Variants in VWA5A observed in about 807,000 individuals in gnomAD.
The protein encoded by VWA5A is von Willebrand factor A domain containing 5A.
In VWA5A, 77 loss-of-function variants were observed where a neutral mutation model predicts 84.6. The observed-to-expected ratio is 0.91, with a 90% CI of 0.76 to 1.10. The LOEUF is 1.10. VWA5A is among the 50% of genes least tolerant of loss of function. The pLI is 0.00. For missense variants in VWA5A, 973 were observed against 963.0 expected (o/e 1.01, Z -0.14); for synonymous variants, 334 against 350.1 (o/e 0.95, Z 0.51).
chr11:124,137,102 T>A lies in VWA5A; in HGVS notation c.1713T>A (p.Asp571Glu). The stretch of plus-strand genomic sequence containing the variant: ...AGACTCCAGCAAGTGATAAAAAAGA[T>A]GCATTGAACCTTAGCCTTGAGTCTG... ...LRETPASDKK[D>E]ALNLSLESGV... Residue 571 changes from aspartate (D) to glutamate (E), a missense_variant, in exon 15 of 19, where the codon GAT (aspartate) becomes GAA (glutamate). Transcript: ENST00000456829. 6.2e-7 allele frequency: 1 copy of A among 1,613,874 alleles called. No individual in the cohort carries two copies. The highest frequency in any genetic ancestry group is 8.5e-7 in the Non-Finnish European group (1 of 1,179,988).
chr11:124,139,867 G>A (rs1860692424), intron 15 of VWA5A, among the ~76,000 whole-genome samples: 1 of 152,038 alleles, frequency 6.6e-6, no homozygotes, highest in South Asian at 2.1e-4. Context: ...CAGCATCCTT[G>A]TCTTGTTTCT....
In VWA5A at chr11:124,136,150, T is replaced by C. The variant is rs1000489035; in HGVS notation, c.1381T>C (p.Ser461Pro). ...TTAGGCTCTCAGGACTCTGAAACGC[T>C]CTCTGCAGCCTGTGGTAGAGGATGT... Reference protein sequence around the residue: ...QSKALRTLKRSLQPVVEDVSL... With the variant: ...QSKALRTLKRPLQPVVEDVSL... Residue 461 changes from serine (S) to proline (P), a missense_variant, in exon 13 of 19, where the codon TCT (serine) becomes CCT (proline). Physicochemically the swap from Ser to Pro is moderately conservative, Grantham distance 74 (BLOSUM62 -1). Coordinates refer to ENST00000456829, the MANE Select transcript of VWA5A (RefSeq NM_001130142.2). The C allele has an allele frequency of 6.2e-6, 10 of 1,614,146 alleles. No homozygotes were observed. Among genetic ancestry groups the C allele is most frequent in the Non-Finnish European group, 8.5e-6 (10 of 1,180,024 alleles).
At chr11:124,133,167 G>A (rs994365755) in intron 11 of VWA5A, among the ~76,000 whole-genome samples, 1 of 152,062 alleles carries the variant, frequency 6.6e-6, no homozygotes, top group Admixed American at 6.6e-5. Context: ...GGATAGACTG[G>A]GAACAGATAA....
At chr11:124,130,077 G>T (rs2137646662) in intron 11 of VWA5A, among the ~76,000 whole-genome samples, 1 of 152,256 alleles carries the variant, frequency 6.6e-6, no homozygotes, top group Non-Finnish European at 1.5e-5. Context: ...ATGTTAGGGT[G>T]TCGATTTTAG....
At chr11:124,117,912 C>A in intron 4 of VWA5A, 37 bp downstream of exon 4, 1 of 1,605,650 alleles carries the variant, frequency 6.2e-7, no homozygotes, top group Non-Finnish European at 8.5e-7. Flanking sequence ...TATTACATTA[C>A]CTCCTCCCTT....
At chr11:124,143,489 T>C (rs1309461211) in intron 17 of VWA5A, among the ~76,000 whole-genome samples, 1 of 152,172 alleles carries the variant, frequency 6.6e-6, no homozygotes, top group Non-Finnish European at 1.5e-5. Context: ...GAATTTTTAA[T>C]TCAATAGAGG....
Position 124,145,900 on chromosome 11 carries a change from T to C in VWA5A, c.2316T>C (p.Ile772=). The change falls in exon 19 of 19, where the codon ATT becomes ATC. Residue 772 remains isoleucine (I), a synonymous_variant. Transcript: ENST00000456829. ...STMPSVVKAA[I]TFLKSSVDPA... ...TGCCTTCGGTTGTGAAAGCTGCTAT[T>C]ACTTTCCTGAAGTCATCTGTGGATC... 6.3e-7 allele frequency: 1 copy of C among 1,589,110 alleles called. No homozygotes were observed. Among genetic ancestry groups the C allele is most frequent in the South Asian group, 1.1e-5 (1 of 87,868 alleles).
chr11:124,142,522 A>G lies in VWA5A; in HGVS notation c.2104A>G (p.Lys702Glu), dbSNP rs752849823. 16 of 1,614,166 alleles carry G rather than the reference A, an allele frequency of 9.9e-6. No individual in the cohort carries two copies. In the African/African-American group the frequency reaches 1.5e-4, roughly 15 times the overall value. ...GSWDLNEDLA[K>E]ILGMSLEEIM... ...CTGGGATCTGAATGAAGATCTAGCCAAGATCCTAGGTATGAGTTTGGAAGA... is the reference window on the plus strand; with the variant it reads ...CTGGGATCTGAATGAAGATCTAGCCGAGATCCTAGGTATGAGTTTGGAAGA... The change falls in exon 17 of 19, where the codon AAG becomes GAG. Residue 702 changes from lysine to glutamate, a missense_variant. Lys to Glu is a moderately conservative substitution (Grantham distance 56). Coordinates refer to ENST00000456829, the MANE Select transcript of VWA5A (RefSeq NM_001130142.2).
At chr11:124,124,452 T>G (rs1864986298) in intron 11 of VWA5A, 136 bp downstream of exon 11, 3 of 1,405,956 alleles carry the variant, frequency 2.1e-6, no homozygotes, top group Non-Finnish European at 2.8e-6. Context: ...AGCTGAAAAT[T>G]TATTTCTCCC....
intron 11 of VWA5A, among the ~76,000 whole-genome samples, chr11:124,132,591 G>A (rs1456344934): frequency 1.3e-5 from 2 of 151,920 alleles, no homozygotes; most frequent in Non-Finnish European, 2.9e-5. Context: ...AATATATAGC[G>A]ATATTACCTC....
chr11:124,133,312 T>C (rs1053064289), intron 11 of VWA5A, among the ~76,000 whole-genome samples: 3 of 152,214 alleles, frequency 2.0e-5, no homozygotes, highest in African/African-American at 7.2e-5. Flanking sequence ...ACACTTTGGC[T>C]GTGGAAAGTG....
chr11:124,121,034 G>A (rs1036731439), intron 7 of VWA5A, among the ~76,000 whole-genome samples: 7 of 152,156 alleles, frequency 4.6e-5, no homozygotes, highest in South Asian at 2.1e-4. Context: ...TTCCCAGGTC[G>A]TATATTTAGT....
At chr11:124,133,225 G>T (rs1267004553) in intron 11 of VWA5A, among the ~76,000 whole-genome samples, 1 of 152,120 alleles carries the variant, frequency 6.6e-6, no homozygotes, top group Non-Finnish European at 1.5e-5. Flanking sequence ...GTGATGGCTG[G>T]TCTATTTCTG....
chr11:124,137,620 C>T (rs531079712), intron 15 of VWA5A, among the ~76,000 whole-genome samples: 17 of 152,224 alleles, frequency 1.1e-4, no homozygotes, highest in African/African-American at 2.2e-4. Context: ...GTGTACAGTC[C>T]AATGGGTTTT....
chr11:124,146,054 C>G lies in VWA5A; in HGVS notation c.*109C>G. 1 of 1,194,710 alleles carries G rather than the reference C, an allele frequency of 8.4e-7. No homozygotes were observed. Among genetic ancestry groups the G allele is most frequent in the Non-Finnish European group, 1.2e-6 (1 of 862,260 alleles). The allele number at this position is 1,194,710 out of a possible 1,614,324, so 74.0% of individuals were successfully genotyped here. ...GTGTATTATAACTCTTTATTTTTTG[C>G]CATAAAAGTAAAGGATGCTTACTCC... is the stretch of plus-strand genomic sequence containing the variant. On this transcript the variant is annotated 3_prime_UTR_variant, in exon 19 of 19. Transcript: ENST00000456829.
intron 11 of VWA5A, among the ~76,000 whole-genome samples, chr11:124,131,159 C>T (rs1034734509): frequency 6.6e-6 from 1 of 151,852 alleles, no homozygotes; most frequent in Non-Finnish European, 1.5e-5. Context: ...GTATATGTAC[C>T]AATTTTTTTA....
At chr11:124,118,937 T>G in intron 6 of VWA5A, 38 bp from the exon 7 acceptor site, 1 of 1,598,428 alleles carries the variant, frequency 6.3e-7, no homozygotes, top group Non-Finnish European at 8.6e-7. Context: ...CAAGAAGTTA[T>G]GATTCTAATG....
Position 124,119,027 on chromosome 11 carries a change from A to G in VWA5A, c.698A>G (p.Tyr233Cys), listed in dbSNP as rs768777559. 6 of 1,614,220 alleles carry G rather than the reference A, an allele frequency of 3.7e-6. No homozygotes were observed. The highest frequency in any genetic ancestry group is 4.2e-6 in the Non-Finnish European group (5 of 1,180,044). ...GATCGGGACGTGGAACTCCTGATTT[A>G]CTACAATGAGGTGCATACCCCCAGC... ...KFDRDVELLI[Y>C]YNEVHTPSVV... The change falls in exon 7 of 19, where the codon TAC becomes TGC. Residue 233 changes from tyrosine (Y) to cysteine (C), a missense_variant. By Grantham distance (194) the Tyr-to-Cys change is radical (BLOSUM62 -2). Coordinates refer to ENST00000456829, the MANE Select transcript of VWA5A (RefSeq NM_001130142.2).
At position 124,137,162 on chromosome 11, in the gene VWA5A, C is replaced by G; in HGVS notation, c.1773C>G (p.Ile591Met). Reference sequence around the variant, plus strand: ...GCTCCTTCACAGCTTTCATTGCTATCAATAAGGAGCTCAACAAGCCGGTTC... The same window carrying G: ...GCTCCTTCACAGCTTTCATTGCTATGAATAAGGAGCTCAACAAGCCGGTTC... ...VISSFTAFIA[I>M]NKELNKPVQG... Residue 591 changes from isoleucine to methionine, a missense_variant, in exon 15 of 19, where the codon ATC becomes ATG. Ile to Met is a conservative substitution (Grantham distance 10). Coordinates refer to ENST00000456829, the MANE Select transcript of VWA5A (RefSeq NM_001130142.2). 6.2e-7 allele frequency: 1 copy of G among 1,614,024 alleles called. No individual in the cohort carries two copies. Among genetic ancestry groups the G allele is most frequent in the South Asian group, 1.1e-5 (1 of 91,072 alleles).
Sources: gnomAD v4.1 joint callset for allele counts (sites outside exome capture counted in the v4.1 genomes callset) on GRCh38, gnomAD v4.1.1 for gene constraint, MANE v1.5 for transcripts, NCBI Gene and HGNC (gene_info 2026-07-23, HGNC 2026-07-21) for gene names.